The following UQCRB variants were observed in gnomAD, a reference collection of about 807,000 sequenced individuals.
UQCRB encodes the protein ubiquinol-cytochrome c reductase binding protein, also known as cytochrome b-c1 complex subunit 7.
A neutral mutation model predicts 19.8 loss-of-function variants in UQCRB; 12 were observed. The observed-to-expected ratio is 0.61, with a 90% CI of 0.39 to 0.98. UQCRB has a LOEUF of 0.98. Ranked by LOEUF, UQCRB falls within the 50% of genes least tolerant of loss-of-function variation. UQCRB has a pLI of 0.00. For synonymous variants in UQCRB, 39 were observed against 42.9 expected (o/e 0.91, Z 0.35); for missense variants, 142 against 131.8 (o/e 1.08, Z -0.38).
rs1809716264 is a variant in UQCRB, at chr8:96,233,177, C to G, written c.70G>C (p.Ala24Pro). The stretch of plus-strand genomic sequence containing the variant: ...TTACCCAGTTTATTGAATCCTGCAG[C>G]ATTGTAATACCATTTTCGAATACCA... The part of the protein sequence containing the change: ...LDGIRKWYYN[A>P]AGFNKLGLMR... Residue 24 changes from alanine (A) to proline (P), a missense_variant, in exon 2 of 4, where the codon GCT (alanine) becomes CCT (proline). Transcript: ENST00000287022. 6.2e-7 allele frequency: 1 copy of G among 1,613,108 alleles called. No homozygotes were observed. Among genetic ancestry groups the G allele is most frequent in the Non-Finnish European group, 8.5e-7 (1 of 1,179,910 alleles).
rs780830469 is a variant in UQCRB, at chr8:96,224,727, A to C, written c.*6328T>G. Among the ~76,000 whole-genome samples the C allele has an allele frequency of 5.3e-5, 8 of 152,198 alleles. No individual in the cohort carries two copies. The highest frequency in any genetic ancestry group is 8.8e-5 in the Non-Finnish European group (6 of 68,036). On this transcript the variant is annotated 3_prime_UTR_variant, in exon 4 of 4. Coordinates refer to ENST00000287022, the MANE Select transcript of UQCRB (RefSeq NM_006294.5). ...TATCTCTCAAAAATATACTCTGCTCACACCATATCCCTAAACTCCAGAGGG... is the reference window on the plus strand; with the variant it reads ...TATCTCTCAAAAATATACTCTGCTCCCACCATATCCCTAAACTCCAGAGGG...
At position 96,228,495 on chromosome 8, in the gene UQCRB, A is replaced by G. The variant is rs1809577907; in HGVS notation, c.*2560T>C. 2.2e-6 allele frequency: 1 copy of G among 454,006 alleles called. No homozygotes were observed. The highest frequency in any genetic ancestry group is 4.4e-6 in the Non-Finnish European group (1 of 226,792). The allele number at this position is 454,006 out of a possible 1,614,324, so 28.1% of individuals were successfully genotyped here. A position where few individuals can be genotyped will look rare whatever the true frequency, so the allele number is the denominator to read the frequency against. On this transcript the variant is annotated 3_prime_UTR_variant, in exon 4 of 4. Transcript: ENST00000287022. ...TGAACCAGAAACAAGAGTGCCACAT[A>G]GAAGGAAGAGAGGAGACCTTGGACC...
rs1337865767 is a variant in UQCRB at position 96,233,088 on chromosome 8, G to GAA, written c.91+66_91+67dup. On this transcript the variant is annotated intron_variant, in intron 2 of 3. Transcript: ENST00000287022. ...AACACTTGCAAAAGCAATACTCTCAGAAAAACAAAAAAAAAAACAAAGAAA... is the reference window on the plus strand; with the variant it reads ...AACACTTGCAAAAGCAATACTCTCAGAAAAAAACAAAAAAAAAAACAAAGAAA... The GAA allele has an allele frequency of 1.1e-5, 16 of 1,512,698 alleles. No individual in the cohort carries two copies. In the African/African-American group the frequency reaches 2.0e-4, roughly 18 times the overall value. The allele number at this position is 1,512,698 out of a possible 1,614,324, so 93.7% of individuals were successfully genotyped here.
rs950789422 is a variant in UQCRB at position 96,224,111 on chromosome 8, C to T, written c.*6944G>A. Among the ~76,000 whole-genome samples the T allele has an allele frequency of 3.3e-5, 5 of 152,220 alleles. No individual in the cohort carries two copies. Among genetic ancestry groups the T allele is most frequent in the African/African-American group, 1.2e-4 (5 of 41,462 alleles). On this transcript the variant is annotated 3_prime_UTR_variant, in exon 4 of 4. Coordinates refer to ENST00000287022, the MANE Select transcript of UQCRB (RefSeq NM_006294.5). ...GCAACCTAGCCATTCTCAAGGGCAG[C>T]CCAGTTCTGTGTGAGTCAGAGTCCT...
At position 96,228,225 on chromosome 8, in the gene UQCRB, CTG is replaced by C. The variant is rs1214118279; in HGVS notation, c.*2828_*2829del. ...TAACTTTCTTCAAGATGTAGGAAAACTGTATATTCAAAACCAATCTCAAACTT... is the reference window on the plus strand; with the variant it reads ...TAACTTTCTTCAAGATGTAGGAAAACTATATTCAAAACCAATCTCAAACTT... On this transcript the variant is annotated 3_prime_UTR_variant, in exon 4 of 4. Transcript: ENST00000287022. 4.8e-5 allele frequency: 22 copies of C among 453,978 alleles called. No individual in the cohort carries two copies. The highest frequency in any genetic ancestry group is 8.8e-5 in the Non-Finnish European group (20 of 226,776). The allele number at this position is 453,978 out of a possible 1,614,324, so 28.1% of individuals were successfully genotyped here.
chr8:96,224,271 G>A lies in UQCRB; in HGVS notation c.*6784C>T, dbSNP rs576617334. Among the ~76,000 whole-genome samples, 23 of 152,248 alleles carry A rather than the reference G, an allele frequency of 1.5e-4. 1 individual carries two copies. The South Asian group carries it at 4.8e-3, about 32-fold the overall frequency. On this transcript the variant is annotated 3_prime_UTR_variant, in exon 4 of 4. Transcript: ENST00000287022. ...AGAGTGGGGAGGGATGGAAGGGAGA[G>A]CTGTAGGAATCTTGAGAGGGGCTGC... is the stretch of plus-strand genomic sequence containing the variant.
chr8:96,225,397 G>T lies in UQCRB; in HGVS notation c.*5658C>A, dbSNP rs1441014951. Among the ~76,000 whole-genome samples the T allele has an allele frequency of 1.3e-5, 2 of 152,144 alleles. No individual in the cohort carries two copies. Among genetic ancestry groups the T allele is most frequent in the Non-Finnish European group, 2.9e-5 (2 of 68,036 alleles). On this transcript the variant is annotated 3_prime_UTR_variant, in exon 4 of 4. Transcript: ENST00000287022. ...TTATAAACTTTTGAAAAGCAAATTGGAAGTCCAGTATTGAAAAACTTCAAA... is the reference window on the plus strand; with the variant it reads ...TTATAAACTTTTGAAAAGCAAATTGTAAGTCCAGTATTGAAAAACTTCAAA...
At chr8:96,232,890 T>A in intron 2 of UQCRB, 1 of 352,172 alleles carries the variant, frequency 2.8e-6, no homozygotes, top group Non-Finnish European at 5.1e-6. Flanking sequence ...GGAAAGGGGG[T>A]GTAGAAGGAA....
intron 1 of UQCRB, chr8:96,235,067 G>A (rs191108869): frequency 1.3e-4 from 37 of 280,120 alleles, no homozygotes; most frequent in African/African-American, 8.2e-4. Context: ...TCTTATCAGC[G>A]TAAAAGGGAA....
In UQCRB at chr8:96,230,724, C is replaced by G. The variant is rs769414002; in HGVS notation, c.*331G>C. Reference sequence around the variant, plus strand: ...GGGGTGCATACCCCCTTCTTTTATTCAGTAGCTTCCATAAGGATGTAACTT... The same window carrying G: ...GGGGTGCATACCCCCTTCTTTTATTGAGTAGCTTCCATAAGGATGTAACTT... On this transcript the variant is annotated 3_prime_UTR_variant, in exon 4 of 4. Transcript: ENST00000287022. 5 of 497,314 alleles carry G rather than the reference C, an allele frequency of 1.0e-5. No homozygotes were observed. Among genetic ancestry groups the G allele is most frequent in the Non-Finnish European group, 2.0e-5 (5 of 255,514 alleles). 30.8% of individuals were successfully genotyped at this position (497,314 alleles called of 1,614,324 possible).
chr8:96,231,412 G>T, intron 3 of UQCRB: 1 of 1,536,932 alleles, frequency 6.5e-7, no homozygotes, highest in East Asian at 2.4e-5. Flanking sequence ...CAAGGGGTGA[G>T]AGTTTGCTTC....
At position 96,230,704 on chromosome 8, in the gene UQCRB, GCATAC is replaced by G. The variant is rs556892502; in HGVS notation, c.*346_*350del. On this transcript the variant is annotated 3_prime_UTR_variant, in exon 4 of 4. Coordinates refer to ENST00000287022, the MANE Select transcript of UQCRB (RefSeq NM_006294.5). ...TCTCAATCTTGGCAAACTAGGGGGT[GCATAC>G]CCCCTTCTTTTATTCAGTAGCTTCC... 2.7e-3 allele frequency: 1,305 copies of G among 480,866 alleles called. 7 individuals are homozygous for G. The highest frequency in any genetic ancestry group is 0.014 in the African/African-American group (712 of 51,448). The allele number at this position is 480,866 out of a possible 1,614,324, so 29.8% of individuals were successfully genotyped here.
chr8:96,232,997 T>C, intron 2 of UQCRB, 159 bp downstream of exon 2: 1 of 665,904 alleles, frequency 1.5e-6, no homozygotes, highest in South Asian at 1.8e-5. Context: ...GGATTTAACA[T>C]AATGTGATTT....
intron 1 of UQCRB, chr8:96,234,399 C>T (rs1809750808): frequency 1.3e-6 from 1 of 761,004 alleles, no homozygotes; most frequent in Admixed American, 2.5e-5. Flanking sequence ...ATGTCTGTTA[C>T]TACAGAAGGG....
chr8:96,235,498 C>T lies in UQCRB; in HGVS notation c.19+14G>A, dbSNP rs1809790472. The T allele has an allele frequency of 6.2e-7, 1 of 1,614,176 alleles. No individual in the cohort carries two copies. Among genetic ancestry groups the T allele is most frequent in the Middle Eastern group, 1.6e-4 (1 of 6,062 alleles). On this transcript the variant is annotated intron_variant, in intron 1 of 3. Coordinates refer to ENST00000287022, the MANE Select transcript of UQCRB (RefSeq NM_006294.5). ...GCGCGACGATGCCGGCCAAGAAGAC[C>T]CCCAGTTACTTACCGGCCTGCTTAC...
Position 96,231,782 on chromosome 8 carries a change from A to C in UQCRB, c.250T>G (p.Tyr84Asp), listed in dbSNP as rs761734666. The change falls in exon 3 of 4, where the codon TAT (tyrosine) becomes GAT (aspartate). Residue 84 changes from tyrosine to aspartate, a missense_variant. Physicochemically the swap from Tyr to Asp is radical, Grantham distance 160 (BLOSUM62 -3). Around this residue, in one of 2 missense-constraint regions of UQCRB, gnomAD observed 132 missense variants for 107.5 expected, o/e 1.23. Transcript: ENST00000287022. ...QILPKEQWTKYEEENFYLEPY... is the reference protein window; with the variant it reads ...QILPKEQWTKDEEENFYLEPY... ...AGATAAAGCTGTGCTACCTCTTCAT[A>C]TTTGGTCCACTGCTCTTTAGGCAAG... 1 of 1,614,156 alleles carries C rather than the reference A, an allele frequency of 6.2e-7. No individual in the cohort carries two copies. Among genetic ancestry groups the C allele is most frequent in the Non-Finnish European group, 8.5e-7 (1 of 1,180,028 alleles).
rs1485719745 is a variant in UQCRB at position 96,228,505 on chromosome 8, G to A, written c.*2550C>T. 2.2e-6 allele frequency: 1 copy of A among 454,116 alleles called. No individual in the cohort carries two copies. Among genetic ancestry groups the A allele is most frequent in the East Asian group, 6.9e-5 (1 of 14,390 alleles). The allele number at this position is 454,116 out of a possible 1,614,324, so 28.1% of individuals were successfully genotyped here. A position where few individuals can be genotyped will look rare whatever the true frequency, so the allele number is the denominator to read the frequency against. The stretch of plus-strand genomic sequence containing the variant: ...ACAAGAGTGCCACATAGAAGGAAGA[G>A]AGGAGACCTTGGACCTTAGCTACTG... On this transcript the variant is annotated 3_prime_UTR_variant, in exon 4 of 4. Transcript: ENST00000287022.
rs1261928706 is a variant in UQCRB at position 96,228,385 on chromosome 8, T to G, written c.*2670A>C. On this transcript the variant is annotated 3_prime_UTR_variant, in exon 4 of 4. Transcript: ENST00000287022. Reference sequence around the variant, plus strand: ...TAGCCAAGTCTTAGCTCCATCCTAATCAAAGCTGTCATGCAGATCCAGTTC... The same window carrying G: ...TAGCCAAGTCTTAGCTCCATCCTAAGCAAAGCTGTCATGCAGATCCAGTTC... 1 of 453,920 alleles carries G rather than the reference T, an allele frequency of 2.2e-6. No individual in the cohort carries two copies. The highest frequency in any genetic ancestry group is 4.4e-6 in the Non-Finnish European group (1 of 226,792). 28.1% of individuals were successfully genotyped at this position (453,920 alleles called of 1,614,324 possible).
At position 96,227,199 on chromosome 8, in the gene UQCRB, T is replaced by C; in HGVS notation, c.*3856A>G. The C allele has an allele frequency of 2.2e-6, 1 of 453,184 alleles. No homozygotes were observed. The highest frequency in any genetic ancestry group is 4.4e-6 in the Non-Finnish European group (1 of 226,364). The allele number at this position is 453,184 out of a possible 1,614,324, so 28.1% of individuals were successfully genotyped here. A position where few individuals can be genotyped will look rare whatever the true frequency, so the allele number is the denominator to read the frequency against. On this transcript the variant is annotated 3_prime_UTR_variant, in exon 4 of 4. Transcript: ENST00000287022. ...GATTGAAGTAATAAAATCCTGAAAC[T>C]AAATAACATCTCATAATTCATTGCA... is the stretch of plus-strand genomic sequence containing the variant.
Sources: allele counts gnomAD v4.1 joint callset (sites outside exome capture counted in the v4.1 genomes callset), GRCh38; gene constraint gnomAD v4.1.1; regional missense constraint gnomAD v4.1.1; transcripts MANE v1.5; gene names NCBI Gene and HGNC (gene_info 2026-07-23, HGNC 2026-07-21).